RSU1: variants seen among roughly 807,000 people sequenced by gnomAD.
The protein encoded by RSU1 is rsu-1.
A neutral mutation model predicts 31.1 loss-of-function variants in RSU1; 26 were observed. The observed-to-expected ratio is 0.84, with a 90% confidence interval of 0.61 to 1.16. RSU1 has a LOEUF of 1.16. Ranked by LOEUF, RSU1 falls within the 50% of genes most tolerant of loss-of-function variation. The pLI is 0.00. For synonymous variants in RSU1, 164 were observed against 136.3 expected, an observed-to-expected ratio of 1.20 and a Z score of -1.41; for missense variants, 320 against 339.1, an observed-to-expected ratio of 0.94 and a Z score of 0.44.
intron 8 of RSU1, among the ~76,000 whole-genome samples, chr10:16,678,365 A>G (rs1303467120): frequency 6.6e-6 from 1 of 152,256 alleles, no homozygotes; most frequent in Non-Finnish European, 1.5e-5. Context: ...ACAATGCTTC[A>G]GCCAAGAATT....
chr10:16,710,531 C>G (rs1385591552), intron 7 of RSU1, among the ~76,000 whole-genome samples: 1 of 152,106 alleles, frequency 6.6e-6, no homozygotes, highest in Non-Finnish European at 1.5e-5. Flanking sequence ...TAAAATTTTA[C>G]AAATACTCCC....
intron 7 of RSU1, among the ~76,000 whole-genome samples, chr10:16,695,632 A>G (rs1031911526): frequency 2.0e-5 from 3 of 152,232 alleles, no homozygotes; most frequent in African/African-American, 4.8e-5. Context: ...TTACTCAAGT[A>G]TAAGAGCATA....
chr10:16,663,763 C>A (rs1011725088), intron 8 of RSU1, among the ~76,000 whole-genome samples: 3 of 152,194 alleles, frequency 2.0e-5, no homozygotes, highest in African/African-American at 7.2e-5. Flanking sequence ...TGACGACAGT[C>A]TTTTCACTTT....
intron 8 of RSU1, among the ~76,000 whole-genome samples, chr10:16,677,824 A>G (rs1411816318): frequency 2.6e-5 from 4 of 152,208 alleles, no homozygotes; most frequent in Non-Finnish European, 5.9e-5. Context: ...ATTTAGCACC[A>G]AAATACATTT....
intron 8 of RSU1, among the ~76,000 whole-genome samples, chr10:16,634,948 G>A (rs1203076097): frequency 6.6e-6 from 1 of 152,044 alleles, no homozygotes; most frequent in Non-Finnish European, 1.5e-5. Flanking sequence ...TGAAACATTT[G>A]CCTGGTTACT....
At chr10:16,816,866 G>T in intron 2 of RSU1, 107 bp downstream of exon 2, 2 of 760,826 alleles carry the variant, frequency 2.6e-6, no homozygotes, top group Non-Finnish European at 4.6e-6. Context: ...ACAAGCAGGG[G>T]CTGGGGTCTA....
intron 8 of RSU1, among the ~76,000 whole-genome samples, chr10:16,692,934 T>G (rs549261433): frequency 6.6e-6 from 1 of 152,242 alleles, no homozygotes; most frequent in South Asian, 2.1e-4. Context: ...ATTTTGGCAA[T>G]TTTAGTGTAT....
At chr10:16,781,759 G>A (rs1021135509) in intron 3 of RSU1, among the ~76,000 whole-genome samples, 2 of 152,194 alleles carry the variant, frequency 1.3e-5, no homozygotes, top group East Asian at 3.9e-4. Context: ...GGCCAAGGCA[G>A]GACGATCGCT....
At chr10:16,697,296 T>C (rs1356264508) in intron 7 of RSU1, among the ~76,000 whole-genome samples, 1 of 152,150 alleles carries the variant, frequency 6.6e-6, no homozygotes, top group Non-Finnish European at 1.5e-5. Flanking sequence ...ATGCCTCTAA[T>C]CTCTGCCCAC....
intron 8 of RSU1, among the ~76,000 whole-genome samples, chr10:16,605,473 G>T (rs1347975060): frequency 6.6e-6 from 1 of 152,140 alleles, no homozygotes; most frequent in Non-Finnish European, 1.5e-5. Flanking sequence ...CAAATACATG[G>T]ATCCCAACTG....
intron 7 of RSU1, among the ~76,000 whole-genome samples, chr10:16,750,986 C>T (rs1477026441): frequency 6.6e-6 from 1 of 151,978 alleles, no homozygotes; most frequent in Non-Finnish European, 1.5e-5. Context: ...CCACCTCAGC[C>T]TCCCGAGTAG....
chr10:16,793,687 T>C (rs530369985), intron 2 of RSU1, among the ~76,000 whole-genome samples: 6 of 152,240 alleles, frequency 3.9e-5, no homozygotes, highest in Non-Finnish European at 7.4e-5. Flanking sequence ...GAGCTACAGC[T>C]ACTCTGCAAG....
At position 16,592,598 on chromosome 10, in the gene RSU1, G is replaced by A. The variant is rs1364083695; in HGVS notation, c.*796C>T. The A allele has an allele frequency of 1.3e-5, 2 of 152,038 alleles. No individual in the cohort carries two copies. Among genetic ancestry groups the A allele is most frequent in the South Asian group, 2.1e-4 (1 of 4,828 alleles). The allele number at this position is 152,038 out of a possible 1,614,324, so 9.4% of individuals were successfully genotyped here. A position where few individuals can be genotyped will look rare whatever the true frequency, so the allele number is the denominator to read the frequency against. On this transcript the variant is annotated 3_prime_UTR_variant, in exon 9 of 9. Transcript: ENST00000345264. ...TTTCTCTCTCTCTTTCACAGTTCTT[G>A]TCTACCAGCCCCTGGCAGAAATCAC...
chr10:16,762,294 TTATA>T (rs57480136), intron 4 of RSU1, among the ~76,000 whole-genome samples: 1 of 149,708 alleles, frequency 6.7e-6, no homozygotes, highest in African/African-American at 2.4e-5. Context: ...GATTGAGATT[TTATA>T]TATATATATA....
intron 8 of RSU1, among the ~76,000 whole-genome samples, chr10:16,681,413 A>G (rs1835325564): frequency 6.6e-6 from 1 of 152,050 alleles, no homozygotes; most frequent in South Asian, 2.1e-4. Context: ...TCCATAAAAT[A>G]TGGAATAAAA....
rs868405936 is a variant in RSU1, at chr10:16,766,729, A to T, written c.161-2219T>A. Among the ~76,000 whole-genome samples, 8 of 151,646 alleles carry T rather than the reference A, an allele frequency of 5.3e-5. No individual in the cohort carries two copies. In the South Asian group the frequency reaches 1.7e-3, roughly 32 times the overall value. ...CAACTCTATCTCGAGAAGAGAAAAG[A>T]TTGGCCTGGTGTGGTAGCTCACTCC... On this transcript the variant is annotated intron_variant, in intron 3 of 8. Coordinates refer to ENST00000345264, the MANE Select transcript of RSU1 (RefSeq NM_012425.4).
intron 2 of RSU1, among the ~76,000 whole-genome samples, chr10:16,812,344 A>G (rs996633657): frequency 4.5e-4 from 68 of 152,254 alleles, no homozygotes; most frequent in Non-Finnish European, 1.5e-4. Flanking sequence ...GGGGAGGCTG[A>G]GGCAGGAGAA....
chr10:16,731,538 A>C (rs1836512139), intron 7 of RSU1, among the ~76,000 whole-genome samples: 1 of 152,188 alleles, frequency 6.6e-6, no homozygotes, highest in South Asian at 2.1e-4. Flanking sequence ...CTGCAACAAA[A>C]GGTTGGAAGC....
In RSU1 at chr10:16,733,666, C is replaced by T. The variant is rs144532487; in HGVS notation, c.598+18873G>A. ...ACTGTTATAAAGGCTATAACACGGA[C>T]CCAAAAATTTTTGTGAAAGAAGTAG... On this transcript the variant is annotated intron_variant, in intron 7 of 8. Transcript: ENST00000345264. 4.0e-3 allele frequency among the ~76,000 whole-genome samples: 609 copies of T among 152,182 alleles called. 4 individuals carry two copies. The highest frequency in any genetic ancestry group is 0.014 in the African/African-American group (576 of 41,512).
Sources: allele counts gnomAD v4.1 joint callset (sites outside exome capture counted in the v4.1 genomes callset), GRCh38; gene constraint gnomAD v4.1.1; transcripts MANE v1.5; gene names NCBI Gene and HGNC (gene_info 2026-07-23, HGNC 2026-07-21).